SCTR: variants seen among roughly 807,000 people sequenced by gnomAD.
The protein encoded by SCTR is secretin receptor.
SCTR carries 56 observed loss-of-function variants against 60.8 expected under a neutral mutation model. The observed-to-expected ratio is 0.92, with a 90% CI of 0.74 to 1.15. The LOEUF (loss-of-function observed/expected upper bound fraction) is 1.15. Ranked by LOEUF, SCTR falls within the 50% of genes most tolerant of loss-of-function variation. The pLI is 0.00. For missense variants in SCTR, 562 were observed against 550.4 expected (o/e 1.02, Z -0.21); for synonymous variants, 202 against 217.0 (o/e 0.93, Z 0.61).
chr2:119,522,383 G>A (rs1679315769), intron 1 of SCTR, among the ~76,000 whole-genome samples: 1 of 152,172 alleles, frequency 6.6e-6, no homozygotes, highest in African/African-American at 2.4e-5. Flanking sequence ...AAGAGATCTG[G>A]GTGCTAACCT....
chr2:119,463,871 A>G (rs1349865316), intron 6 of SCTR, among the ~76,000 whole-genome samples: 1 of 151,912 alleles, frequency 6.6e-6, no homozygotes, highest in African/African-American at 2.4e-5. Context: ...TGACCAGTTC[A>G]CTCCTGGACA....
intron 6 of SCTR, among the ~76,000 whole-genome samples, chr2:119,462,711 C>T (rs1052748378): frequency 2.0e-5 from 3 of 152,188 alleles, no homozygotes; most frequent in African/African-American, 7.2e-5. Context: ...ATTGGGCTGT[C>T]CCCTGGGGAT....
chr2:119,490,203 T>C lies in SCTR; in HGVS notation c.193+4225A>G, dbSNP rs868432572. On this transcript the variant is annotated intron_variant, in intron 2 of 12. Transcript: ENST00000019103. ...AGTCGGAGCCAGAGGGAAAGTGCAG[T>C]CAGGTAGAGGGAAAGCAAAGGCTCA... Among the ~76,000 whole-genome samples the C allele has an allele frequency of 9.1e-4, 139 of 152,204 alleles. 4 individuals are homozygous for C. Among genetic ancestry groups the C allele is most frequent in the Non-Finnish European group, 2.5e-4 (17 of 68,040 alleles).
At chr2:119,444,186 AATATATACAC>A (rs1682771746) in intron 11 of SCTR, among the ~76,000 whole-genome samples, 1 of 139,984 alleles carries the variant, frequency 7.1e-6, no homozygotes, top group Non-Finnish European at 1.5e-5. Flanking sequence ...TATACATATG[AATATATACAC>A]ATATGTATAT....
chr2:119,479,366 G>T, intron 2 of SCTR: 1 of 797,420 alleles, frequency 1.3e-6, no homozygotes, highest in Non-Finnish European at 1.5e-6. Context: ...CAGGGATCCT[G>T]CATGAATTGG....
At chr2:119,473,097 G>A (rs1045702889) in intron 4 of SCTR, among the ~76,000 whole-genome samples, 1 of 152,202 alleles carries the variant, frequency 6.6e-6, no homozygotes, top group Non-Finnish European at 1.5e-5. Flanking sequence ...GCCCCACTAA[G>A]GTCAAGGTCG....
intron 2 of SCTR, among the ~76,000 whole-genome samples, chr2:119,493,169 C>T (rs1348117653): frequency 2.6e-5 from 4 of 152,190 alleles, no homozygotes; most frequent in African/African-American, 9.6e-5. Context: ...AATGTGTGTC[C>T]TTTTGTATCT....
At chr2:119,456,975 C>G (rs1470202513) in intron 7 of SCTR, among the ~76,000 whole-genome samples, 1 of 152,194 alleles carries the variant, frequency 6.6e-6, no homozygotes, top group East Asian at 1.9e-4. Context: ...CCGTCAGGGC[C>G]TCCAAAAGAA....
At chr2:119,451,618 T>C (rs1381763729) in intron 9 of SCTR, among the ~76,000 whole-genome samples, 1 of 152,112 alleles carries the variant, frequency 6.6e-6, no homozygotes, top group Non-Finnish European at 1.5e-5. Context: ...TTCAGTGATC[T>C]CAGCTTAGCG....
Position 119,462,002 on chromosome 2 carries a change from T to A in SCTR, c.637-2A>T, listed in dbSNP as rs1194237994. 1 of 1,597,536 alleles carries A rather than the reference T, an allele frequency of 6.3e-7. No homozygotes were observed. Among genetic ancestry groups the A allele is most frequent in the Non-Finnish European group, 8.5e-7 (1 of 1,171,412 alleles). On this transcript the variant is annotated splice_acceptor_variant, in intron 6 of 12. Transcript: ENST00000019103. LOFTEE classifies it high-confidence loss of function. ...CACCATGACCAGCTTGCAGCCCGCC[T>A]GGAGAGAGAGAGGCAGCTGAACCCA...
intron 4 of SCTR, among the ~76,000 whole-genome samples, chr2:119,466,538 G>A (rs1683842351): frequency 1.3e-5 from 2 of 152,144 alleles, no homozygotes; most frequent in African/African-American, 4.8e-5. Flanking sequence ...GATTGCTCGA[G>A]CTCAGGAGTT....
chr2:119,513,974 G>T (rs1187967803), intron 1 of SCTR, among the ~76,000 whole-genome samples: 4 of 152,176 alleles, frequency 2.6e-5, no homozygotes, highest in African/African-American at 9.7e-5. Context: ...TAAAGAAGAA[G>T]TGCTTAAGTT....
At chr2:119,445,341 C>A (rs916124426) in intron 11 of SCTR, among the ~76,000 whole-genome samples, 4 of 152,202 alleles carry the variant, frequency 2.6e-5, no homozygotes, top group Admixed American at 6.5e-5. Flanking sequence ...GGCCCCCAGG[C>A]CGAGAGGAAA....
intron 7 of SCTR, among the ~76,000 whole-genome samples, chr2:119,456,061 CTTT>C (rs34764285): frequency 1.7e-5 from 2 of 121,076 alleles, no homozygotes; most frequent in Admixed American, 8.3e-5. Context: ...GATTTTTCAA[CTTT>C]TTTTTTTTTT....
intron 1 of SCTR, among the ~76,000 whole-genome samples, chr2:119,509,495 G>C (rs1306437099): frequency 6.6e-6 from 1 of 152,220 alleles, no homozygotes; most frequent in Non-Finnish European, 1.5e-5. Context: ...GAGAGCAACA[G>C]AGCAAGGTTA....
chr2:119,465,490 C>A (rs976066727), intron 5 of SCTR, among the ~76,000 whole-genome samples: 1 of 152,120 alleles, frequency 6.6e-6, no homozygotes, highest in East Asian at 1.9e-4. Context: ...AACAGAATCT[C>A]GCTAGTACTA....
chr2:119,445,517 C>T (rs1279461242), intron 11 of SCTR, among the ~76,000 whole-genome samples: 3 of 152,198 alleles, frequency 2.0e-5, no homozygotes, highest in Admixed American at 6.5e-5. Flanking sequence ...TCCCTAGAAC[C>T]TGTAAGTAAC....
At chr2:119,443,823 AG>A (rs1420978335) in intron 11 of SCTR, among the ~76,000 whole-genome samples, 1 of 152,230 alleles carries the variant, frequency 6.6e-6, no homozygotes, top group Admixed American at 6.5e-5. Flanking sequence ...CTAGGATTAC[AG>A]GCGTGAGCCC....
chr2:119,509,935 G>A (rs967985577), intron 1 of SCTR, among the ~76,000 whole-genome samples: 5 of 151,626 alleles, frequency 3.3e-5, no homozygotes, highest in East Asian at 3.9e-4. Context: ...CGCTTGTTTC[G>A]CTCAGCACAT....
Sources: allele counts gnomAD v4.1 joint callset (sites outside exome capture counted in the v4.1 genomes callset), GRCh38; gene constraint gnomAD v4.1.1; transcripts MANE v1.5; gene names NCBI Gene and HGNC (gene_info 2026-07-23, HGNC 2026-07-21).